The following BIRC6 variants were observed in gnomAD, a reference collection of about 807,000 sequenced individuals.
The protein encoded by BIRC6 is baculoviral IAP repeat containing 6.
BIRC6 carries 98 observed loss-of-function variants against 503.3 expected under a neutral mutation model. That is an observed-to-expected ratio of 0.19 (90% CI 0.17 to 0.23). The LOEUF (loss-of-function observed/expected upper bound fraction) is 0.23. Ranked by LOEUF, BIRC6 falls within the 10% of genes least tolerant of loss-of-function variation. The pLI, the probability that BIRC6 is intolerant of heterozygous loss-of-function variation, is 1.00. For missense variants in BIRC6, 5,360 were observed against 5,806.0 expected, an observed-to-expected ratio of 0.92 and a Z score of 2.50; for synonymous variants, 2,240 against 2,078.7, an observed-to-expected ratio of 1.08 and a Z score of -2.11.
At chr2:32,478,482 G>T (rs959104418) in intron 35 of BIRC6, among the ~76,000 whole-genome samples, 153 bp from the exon 36 acceptor site, 19 of 152,068 alleles carry the variant, frequency 1.2e-4, no homozygotes, top group Admixed American at 1.0e-3. Flanking sequence ...ATTCTTTTTT[G>T]CATTCCATCT....
At chr2:32,406,905 G>T (rs2041283230) in intron 9 of BIRC6, among the ~76,000 whole-genome samples, 1 of 152,112 alleles carries the variant, frequency 6.6e-6, no homozygotes, top group African/African-American at 2.4e-5. Context: ...GGTGAATAAA[G>T]AACTACATTT....
intron 66 of BIRC6, among the ~76,000 whole-genome samples, chr2:32,588,786 G>GTACATACT (rs1398661870): frequency 6.6e-6 from 1 of 152,078 alleles, no homozygotes; most frequent in Non-Finnish European, 1.5e-5. Context: ...CTTTAAATCT[G>GTACATACT]TACATACATA....
intron 33 of BIRC6, among the ~76,000 whole-genome samples, chr2:32,475,432 G>C (rs1375139860): frequency 1.3e-5 from 2 of 152,070 alleles, no homozygotes; most frequent in Non-Finnish European, 2.9e-5. Flanking sequence ...TTTAGGGATG[G>C]GGGAGATAGG....
At chr2:32,383,873 A>G (rs1206770467) in intron 3 of BIRC6, among the ~76,000 whole-genome samples, 1 of 152,150 alleles carries the variant, frequency 6.6e-6, no homozygotes, top group Non-Finnish European at 1.5e-5. Flanking sequence ...CATCTTTACT[A>G]TTGGACTTGG....
intron 1 of BIRC6, among the ~76,000 whole-genome samples, chr2:32,365,327 CTT>C (rs35830300): frequency 2.1e-5 from 3 of 143,556 alleles, no homozygotes; most frequent in Admixed American, 7.0e-5. Flanking sequence ...ATAAATGTTA[CTT>C]TTTTTTTTTT....
chr2:32,372,122 A>G (rs1411977931), intron 1 of BIRC6, among the ~76,000 whole-genome samples: 11 of 152,292 alleles, frequency 7.2e-5, no homozygotes, highest in Middle Eastern at 3.4e-3. Flanking sequence ...TTTCCTTTAC[A>G]ATATCATTTA....
Position 32,467,996 on chromosome 2 carries a change from A to C in BIRC6, c.5665A>C (p.Ser1889Arg), listed in dbSNP as rs777182559. 5.0e-6 allele frequency: 8 copies of C among 1,613,732 alleles called. No individual in the cohort carries two copies. Among genetic ancestry groups the C allele is most frequent in the Non-Finnish European group, 6.8e-6 (8 of 1,179,842 alleles). Residue 1889 changes from serine to arginine, a missense_variant, in exon 28 of 74, where the codon AGT becomes CGT. By Grantham distance (110) the Ser-to-Arg change is moderately radical. Coordinates refer to ENST00000421745, the MANE Select transcript of BIRC6 (RefSeq NM_016252.4). ...TCATACCTACATCTTGCCTTGGGAAAGTGAACTGAAGTTAATGCATGATCC... is the reference window on the plus strand; with the variant it reads ...TCATACCTACATCTTGCCTTGGGAACGTGAACTGAAGTTAATGCATGATCC... ...YGHTYILPWE[S>R]ELKLMHDPLK...
At chr2:32,492,872 C>T (rs1166181184) in intron 44 of BIRC6, among the ~76,000 whole-genome samples, 1 of 151,900 alleles carries the variant, frequency 6.6e-6, no homozygotes, top group Non-Finnish European at 1.5e-5. Context: ...TCCAGAACTA[C>T]TCCAAGGTTT....
chr2:32,438,409 A>ATACC (rs2044986747), intron 15 of BIRC6, among the ~76,000 whole-genome samples: 1 of 152,204 alleles, frequency 6.6e-6, no homozygotes, highest in Non-Finnish European at 1.5e-5. Flanking sequence ...GAAAGATTTA[A>ATACC]TACCTGGTAA....
chr2:32,381,888 A>G (rs1202225856), intron 3 of BIRC6, among the ~76,000 whole-genome samples: 1 of 151,902 alleles, frequency 6.6e-6, no homozygotes, highest in African/African-American at 2.4e-5. Context: ...ATATCTTCTC[A>G]TATCCTCAGA....
intron 5 of BIRC6, among the ~76,000 whole-genome samples, chr2:32,393,639 C>T (rs2039520719): frequency 6.6e-6 from 1 of 152,166 alleles, no homozygotes. Context: ...CCCACCTTAG[C>T]CCCTCAAGTA....
At chr2:32,369,351 C>T (rs1238302955) in intron 1 of BIRC6, among the ~76,000 whole-genome samples, 1 of 151,798 alleles carries the variant, frequency 6.6e-6, no homozygotes, top group Non-Finnish European at 1.5e-5. Context: ...GCACATGTTC[C>T]AAACCGTAGG....
At chr2:32,501,385 G>C (rs1255665560) in intron 46 of BIRC6, among the ~76,000 whole-genome samples, 1 of 152,104 alleles carries the variant, frequency 6.6e-6, no homozygotes, top group African/African-American at 2.4e-5. Context: ...TGATATAGAG[G>C]TATTGTCATG....
Position 32,470,297 on chromosome 2 carries a change from A to G in BIRC6, c.6477A>G (p.Thr2159=). Residue 2159 remains threonine (T), a synonymous_variant, in exon 31 of 74, where the codon ACA becomes ACG. Coordinates refer to ENST00000421745, the MANE Select transcript of BIRC6 (RefSeq NM_016252.4). ...LQPQLPMHRR[T]EGVLDIPMIS... ...CACAGTTACCCATGCATAGGAGGAC[A>G]GAAGGTATTAAGAGAAAGCAGTGTT... 1.3e-6 allele frequency: 2 copies of G among 1,564,736 alleles called. No homozygotes were observed. The highest frequency in any genetic ancestry group is 1.7e-6 in the Non-Finnish European group (2 of 1,155,310).
chr2:32,555,528 C>T (rs964420388), intron 65 of BIRC6, among the ~76,000 whole-genome samples: 47 of 152,024 alleles, frequency 3.1e-4, no homozygotes, highest in Non-Finnish European at 6.3e-4. Context: ...ATCCCAGCTA[C>T]TCAGGAGGCT....
At chr2:32,397,717 T>C (rs1272568681) in intron 6 of BIRC6, among the ~76,000 whole-genome samples, 4 of 150,178 alleles carry the variant, frequency 2.7e-5, no homozygotes, top group South Asian at 2.1e-4. Flanking sequence ...CACACACATA[T>C]ATACACCATT....
chr2:32,519,080 T>C, intron 57 of BIRC6, 134 bp downstream of exon 57: 1 of 866,818 alleles, frequency 1.2e-6, no homozygotes, highest in South Asian at 2.0e-5. Flanking sequence ...GACATCTTTA[T>C]AGTTTGAAGC....
chr2:32,450,449 G>GA (rs2046575825), intron 22 of BIRC6, among the ~76,000 whole-genome samples: 1 of 151,926 alleles, frequency 6.6e-6, no homozygotes, highest in Non-Finnish European at 1.5e-5. Flanking sequence ...GCGAAAGAGT[G>GA]AGACTCCGCC....
intron 21 of BIRC6, among the ~76,000 whole-genome samples, chr2:32,446,736 C>CTGTTTTTT (rs2045984787): frequency 1.3e-5 from 1 of 75,830 alleles, no homozygotes; most frequent in African/African-American, 5.0e-5. Flanking sequence ...TCCCTCTGCG[C>CTGTTTTTT]TGTTTTTTTT....
Sources: gnomAD v4.1 joint callset for allele counts (sites outside exome capture counted in the v4.1 genomes callset) on GRCh38, gnomAD v4.1.1 for gene constraint, MANE v1.5 for transcripts, NCBI Gene and HGNC (gene_info 2026-07-23, HGNC 2026-07-21) for gene names.